CHEK2: variants seen among roughly 807,000 people sequenced by gnomAD.
CHEK2 encodes the protein serine/threonine-protein kinase Chk2.
In CHEK2, 71 loss-of-function variants were observed where a neutral mutation model predicts 69.1. The ratio of observed to expected loss-of-function variants is 1.03; its 90% CI spans 0.85 to 1.25. CHEK2 has a LOEUF of 1.25. Among genes scored for constraint, CHEK2 ranks in the 50% most tolerant of loss-of-function variants. CHEK2 has a pLI of 0.00. For missense variants in CHEK2, 664 were observed against 649.6 expected (o/e 1.02, Z -0.24); for synonymous variants, 189 against 226.9 (o/e 0.83, Z 1.50).
At chr22:28,711,837 C>T in intron 6 of CHEK2, 72 bp downstream of exon 6, 1 of 1,045,150 alleles carries the variant, frequency 9.6e-7, no homozygotes, top group Admixed American at 1.7e-5. Context: ...TAAAAATCAT[C>T]AATCTAAGAT....
chr22:28,729,076 G>A (rs753995297), intron 2 of CHEK2, among the ~76,000 whole-genome samples: 2 of 152,100 alleles, frequency 1.3e-5, no homozygotes, highest in Non-Finnish European at 2.9e-5. Flanking sequence ...AAGAAATTCG[G>A]AACGGAACAC....
intron 7 of CHEK2, among the ~76,000 whole-genome samples, chr22:28,706,347 A>T (rs1076807): frequency 0.089 from 13,530 of 152,086 alleles, 745 homozygotes; most frequent in South Asian, 0.17. Flanking sequence ...CAGTACACAC[A>T]GCATTCAAGG....
At position 28,695,180 on chromosome 22, in the gene CHEK2, G is replaced by A. The variant is rs2145794276; in HGVS notation, c.1322C>T (p.Thr441Ile). The part of the protein sequence containing the change: ...RTQVSLKDQI[T>I]SGKYNFIPEV... The stretch of plus-strand genomic sequence containing the variant: ...AGGAATGAAGTTGTATTTTCCACTG[G>A]TGATCTGATCCTTCAGTGACACTTG... The change falls in exon 12 of 15, where the codon ACC (threonine) becomes ATC (isoleucine). Residue 441 changes from threonine to isoleucine, a missense_variant. By Grantham distance (89) the Thr-to-Ile change is moderately conservative. Transcript: ENST00000404276. 2 of 1,613,502 alleles carry A rather than the reference G, an allele frequency of 1.2e-6. No individual in the cohort carries two copies. Among genetic ancestry groups the A allele is most frequent in the Non-Finnish European group, 1.7e-6 (2 of 1,179,564 alleles).
intron 5 of CHEK2, among the ~76,000 whole-genome samples, chr22:28,715,619 T>C (rs1035031621): frequency 2.6e-5 from 4 of 151,858 alleles, no homozygotes; most frequent in African/African-American, 7.3e-5. Flanking sequence ...AGGGTTTTAC[T>C]GTGTCAGCCC....
At chr22:28,741,490 T>C (rs1397087815) in intron 1 of CHEK2, among the ~76,000 whole-genome samples, 3 of 152,110 alleles carry the variant, frequency 2.0e-5, no homozygotes, top group Non-Finnish European at 4.4e-5. Flanking sequence ...ATTTCTAACA[T>C]CTATAGAATT....
intron 8 of CHEK2, among the ~76,000 whole-genome samples, chr22:28,701,766 T>C (rs187397762): frequency 2.6e-5 from 4 of 152,218 alleles, no homozygotes. Context: ...TGCAACCTGG[T>C]CCTGGATTGA....
chr22:28,714,759 ATAGTTTTACCTCT>A (rs1187841985), intron 5 of CHEK2, among the ~76,000 whole-genome samples: 3 of 152,166 alleles, frequency 2.0e-5, no homozygotes, highest in Non-Finnish European at 2.9e-5. Context: ...CCAGAGTTGT[ATAGTTTTACCTCT>A]TATATTTCAT....
intron 1 of CHEK2, among the ~76,000 whole-genome samples, chr22:28,740,500 T>A (rs1376894673): frequency 1.3e-5 from 2 of 152,202 alleles, no homozygotes; most frequent in African/African-American, 4.8e-5. Flanking sequence ...TATCCCCTTT[T>A]CTCCGAATGT....
chr22:28,708,041 G>A (rs146848635), intron 7 of CHEK2, among the ~76,000 whole-genome samples: 1,971 of 151,780 alleles, frequency 0.013, 22 homozygotes, highest in Middle Eastern at 0.017. Flanking sequence ...GGATTTCACC[G>A]TGTTAGCCAG....
At position 28,695,713 on chromosome 22, in the gene CHEK2, A is replaced by C. The variant is rs1601721712; in HGVS notation, c.1256T>G (p.Ile419Ser). ...CAGCAATGAAAATATTTCTTACCAG[A>C]TAAAAAGAATAACTCCTAAACTCCA... ...DCWSLGVILF[I>S]CLSGYPPFSE... Residue 419 changes from isoleucine (I) to serine (S), a missense_variant, in exon 11 of 15, where the codon ATC (isoleucine) becomes AGC (serine). Physicochemically the swap from Ile to Ser is moderately radical, Grantham distance 142 (BLOSUM62 -2). Coordinates refer to ENST00000404276, the MANE Select transcript of CHEK2 (RefSeq NM_007194.4). 1 of 1,613,164 alleles carries C rather than the reference A, an allele frequency of 6.2e-7. No homozygotes were observed. Among genetic ancestry groups the C allele is most frequent in the Non-Finnish European group, 8.5e-7 (1 of 1,179,156 alleles).
chr22:28,694,381 A>C (rs2052482879), intron 12 of CHEK2, among the ~76,000 whole-genome samples: 1 of 152,154 alleles, frequency 6.6e-6, no homozygotes, highest in South Asian at 2.1e-4. Flanking sequence ...TCTTGTTGCT[A>C]GACTCAAGGT....
At chr22:28,697,039 T>C (rs755664409) in intron 9 of CHEK2, 52 bp from the exon 10 acceptor site, 1 of 1,174,304 alleles carries the variant, frequency 8.5e-7, no homozygotes, top group Non-Finnish European at 1.3e-6. Context: ...GATACTTAAG[T>C]AGAATCAAAG....
At chr22:28,698,227 C>CAAAAAAAAAAAAAAA (rs1163039503) in intron 9 of CHEK2, among the ~76,000 whole-genome samples, 1 of 29,418 alleles carries the variant, frequency 3.4e-5, no homozygotes, top group African/African-American at 6.5e-5. Context: ...CCTATCTTTA[C>CAAAAAAAAAAAAAAA]TAAAAAAAAA....
chr22:28,721,612 G>A, intron 4 of CHEK2: 1 of 458,778 alleles, frequency 2.2e-6, no homozygotes, highest in East Asian at 7.1e-5. Flanking sequence ...AGCTGAGAGA[G>A]TAGATTTTAA....
intron 9 of CHEK2, among the ~76,000 whole-genome samples, chr22:28,697,762 G>C (rs1050303802): frequency 3.3e-5 from 5 of 151,776 alleles, no homozygotes; most frequent in Admixed American, 3.3e-4. Flanking sequence ...TTTTTGTAGA[G>C]ACGGGATCTC....
Position 28,734,639 on chromosome 22 carries a change from G to T in CHEK2, c.83C>A (p.Ser28Tyr). Reference protein sequence around the residue: ...CSQPHGSVTQSQGSSSQSQGI... With the variant: ...CSQPHGSVTQYQGSSSQSQGI... ...CTGGGACTGTGAGGAGGAGCCTTGGGACTGGGTAACGCTGCCATGGGGCTG... is the reference window on the plus strand; with the variant it reads ...CTGGGACTGTGAGGAGGAGCCTTGGTACTGGGTAACGCTGCCATGGGGCTG... Residue 28 changes from serine (S) to tyrosine (Y), a missense_variant, in exon 2 of 15, where the codon TCC (serine) becomes TAC (tyrosine). Transcript: ENST00000404276. 2 of 1,613,958 alleles carry T rather than the reference G, an allele frequency of 1.2e-6. No homozygotes were observed. The highest frequency in any genetic ancestry group is 1.3e-5 in the African/African-American group (1 of 74,978).
Position 28,711,934 on chromosome 22 carries a change from A to G in CHEK2, c.767T>C (p.Phe256Ser). Residue 256 changes from phenylalanine to serine, a missense_variant, in exon 6 of 15, where the codon TTT becomes TCT. Coordinates refer to ENST00000404276, the MANE Select transcript of CHEK2 (RefSeq NM_007194.4). ...VAIKIISKRK[F>S]AIGSAREADP... is the part of the protein sequence containing the mutation. ...TGCCTCTCTTGCTGAACCAATAGCA[A>G]ACTTCCTTTTGCTGATGATCTTTAT... 1.2e-6 allele frequency: 2 copies of G among 1,613,794 alleles called. No homozygotes were observed. Among genetic ancestry groups the G allele is most frequent in the Non-Finnish European group, 1.7e-6 (2 of 1,179,874 alleles).
At chr22:28,718,883 AACACACACACACACACAC>A (rs144577000) in intron 5 of CHEK2, among the ~76,000 whole-genome samples, 3 of 140,450 alleles carry the variant, frequency 2.1e-5, no homozygotes, top group Non-Finnish European at 3.1e-5. Context: ...CTCTGACACT[AACACACACACACACACAC>A]ACACACACAC....
rs2052468226 is a variant in CHEK2 at position 28,694,062 on chromosome 22, T to C, written c.1431A>G (p.Thr477=). The C allele has an allele frequency of 6.3e-7, 1 of 1,596,136 alleles. No individual in the cohort carries two copies. The highest frequency in any genetic ancestry group is 8.5e-7 in the Non-Finnish European group (1 of 1,179,624). The stretch of plus-strand genomic sequence containing the variant: ...GCCACGGGTGTCTTAAGGCTTCTTC[T>C]GTCGTAAAACGTGCCTTTGGATCCA... ...LVVDPKARFT[T]EEALRHPWLQ... Residue 477 remains threonine, a synonymous_variant, in exon 13 of 15, where the codon ACA becomes ACG. Coordinates refer to ENST00000404276, the MANE Select transcript of CHEK2 (RefSeq NM_007194.4).
Sources: gnomAD v4.1 joint callset for allele counts (sites outside exome capture counted in the v4.1 genomes callset) on GRCh38, gnomAD v4.1.1 for gene constraint, MANE v1.5 for transcripts, NCBI Gene and HGNC (gene_info 2026-07-23, HGNC 2026-07-21) for gene names.